Variants in MACF1 observed in about 807,000 individuals in gnomAD.
The protein encoded by MACF1 is microtubule actin crosslinking factor 1.
Under a neutral mutation model 854.8 loss-of-function variants are expected in MACF1, and 193 were observed. That is an observed-to-expected ratio of 0.23 (90% CI 0.20 to 0.25). The LOEUF is 0.25. Ranked by LOEUF, MACF1 falls within the 10% of genes least tolerant of loss-of-function variation. The pLI is 1.00. For missense variants in MACF1, 7,722 were observed against 8,929.1 expected, an observed-to-expected ratio of 0.86 and a Z score of 5.45; for synonymous variants, 3,185 against 3,226.7, an observed-to-expected ratio of 0.99 and a Z score of 0.44.
intron 92 of MACF1, 92 bp from the exon 93 acceptor site, chr1:39,461,791 C>CAA (rs59393084): frequency 6.8e-4 from 237 of 350,670 alleles, no homozygotes; most frequent in Middle Eastern, 9.3e-4. Flanking sequence ...GACCTTGTCT[C>CAA]AAAAAAAAAA....
chr1:39,262,397 C>CA (rs56376033), intron 6 of MACF1, among the ~76,000 whole-genome samples: 22,821 of 68,994 alleles, frequency 0.33, 4,531 homozygotes, highest in South Asian at 0.53. Context: ...GACTCCATCA[C>CA]AAAAAAAAAA....
intron 58 of MACF1, among the ~76,000 whole-genome samples, chr1:39,392,888 C>T (rs975605681): frequency 6.6e-6 from 1 of 152,082 alleles, no homozygotes. Flanking sequence ...AGGCAGAGAT[C>T]TCAGGCTTCC....
chr1:39,365,225 G>A (rs769059670), intron 49 of MACF1, among the ~76,000 whole-genome samples: 20 of 152,016 alleles, frequency 1.3e-4, no homozygotes, highest in Non-Finnish European at 2.8e-4. Context: ...ACAGGCGCCC[G>A]CCACCACGTC....
chr1:39,244,311 G>A (rs1198218537), intron 2 of MACF1, among the ~76,000 whole-genome samples: 1 of 151,470 alleles, frequency 6.6e-6, no homozygotes, highest in Non-Finnish European at 1.5e-5. Flanking sequence ...AGGTGGAGTC[G>A]TGCACTGTCA....
Position 39,468,735 on chromosome 1 carries a change from A to G in MACF1, c.21889+3A>G. On this transcript the variant is annotated splice_donor_region_variant and intron_variant, in intron 96 of 100. Coordinates refer to ENST00000564288, the MANE Select transcript of MACF1 (RefSeq NM_001394062.1). ...AGTGAAAAATGATCCCTGCCGAGGTAAGGAACCATTCTAAGCATGAATTAC... is the reference window on the plus strand; with the variant it reads ...AGTGAAAAATGATCCCTGCCGAGGTGAGGAACCATTCTAAGCATGAATTAC... 1 of 1,612,002 alleles carries G rather than the reference A, an allele frequency of 6.2e-7. No individual in the cohort carries two copies.
At position 39,354,615 on chromosome 1, in the gene MACF1, G is replaced by A. The variant is rs146787207; in HGVS notation, c.11424+1384G>A. 5.2e-3 allele frequency among the ~76,000 whole-genome samples: 788 copies of A among 152,226 alleles called. 5 individuals carry two copies. The highest frequency in any genetic ancestry group is 8.1e-3 in the Non-Finnish European group (554 of 68,030). On this transcript the variant is annotated intron_variant, in intron 44 of 100. Coordinates refer to ENST00000564288, the MANE Select transcript of MACF1 (RefSeq NM_001394062.1). Reference sequence around the variant, plus strand: ...AGATGGGGTTTCACTATGTTGGCCAGACTGGTCTCAAACTCCTGACCTCGG... The same window carrying A: ...AGATGGGGTTTCACTATGTTGGCCAAACTGGTCTCAAACTCCTGACCTCGG...
intron 94 of MACF1, chr1:39,463,959 A>G: frequency 3.1e-6 from 1 of 324,026 alleles, no homozygotes; most frequent in Non-Finnish European, 6.0e-6. Flanking sequence ...TCCTAGGGGG[A>G]TGAAGGTACC....
chr1:39,102,592 A>G (rs1054932115), intron 2 of MACF1: 6 of 604,700 alleles, frequency 9.9e-6, no homozygotes, highest in Non-Finnish European at 1.8e-5. Flanking sequence ...CGCTGAAAGA[A>G]ATAGAAAGTG....
intron 1 of MACF1, among the ~76,000 whole-genome samples, chr1:39,218,182 CAAAAAAAAAA>C: frequency 1.2e-5 from 1 of 84,488 alleles, no homozygotes; most frequent in South Asian, 5.6e-4. Flanking sequence ...GACTCCGTCT[CAAAAAAAAAA>C]AAAAAAAAAA....
At chr1:39,235,451 A>T (rs1188161406) in intron 2 of MACF1, among the ~76,000 whole-genome samples, 1 of 152,212 alleles carries the variant, frequency 6.6e-6, no homozygotes, top group African/African-American at 2.4e-5. Flanking sequence ...TTTATTTAAC[A>T]CACCCTAAAT....
intron 16 of MACF1, 105 bp from the exon 17 acceptor site, chr1:39,292,661 A>C: frequency 1.3e-6 from 1 of 785,366 alleles, no homozygotes; most frequent in South Asian, 1.9e-5. Flanking sequence ...TAGAGCAACC[A>C]ATCCATATCT....
rs748074653 is a variant in MACF1 at position 39,372,576 on chromosome 1, C to T, written c.13193C>T (p.Pro4398Leu). The T allele has an allele frequency of 1.9e-6, 3 of 1,612,226 alleles. No homozygotes were observed. Among genetic ancestry groups the T allele is most frequent in the Non-Finnish European group, 2.5e-6 (3 of 1,178,526 alleles). ...LENLIMEITA[P>L]DSQGKTGSIL... The stretch of plus-strand genomic sequence containing the variant: ...AATCTCATCATGGAAATCACAGCAC[C>T]TGATTCCCAAGGCAAGACAGGTGAG... The change falls in exon 52 of 101, where the codon CCT becomes CTT. Residue 4398 changes from proline (P) to leucine (L), a missense_variant. By Grantham distance (98) the Pro-to-Leu change is moderately conservative (BLOSUM62 -3). Coordinates refer to ENST00000564288, the MANE Select transcript of MACF1 (RefSeq NM_001394062.1).
intron 41 of MACF1, among the ~76,000 whole-genome samples, chr1:39,347,918 C>T (rs757363213): frequency 2.7e-5 from 4 of 149,032 alleles, no homozygotes; most frequent in Non-Finnish European, 5.9e-5. Context: ...CAAAGCTCAA[C>T]TCAACATAAT....
At chr1:39,328,082 A>G (rs1354742996) in intron 36 of MACF1, among the ~76,000 whole-genome samples, 1 of 152,188 alleles carries the variant, frequency 6.6e-6, no homozygotes, top group African/African-American at 2.4e-5. Flanking sequence ...AGCTCACGTG[A>G]TAGTCAAATT....
At chr1:39,459,322 C>T in intron 91 of MACF1, 73 bp downstream of exon 91, 1 of 1,446,100 alleles carries the variant, frequency 6.9e-7, no homozygotes. Context: ...TTCTGAGGCT[C>T]TCTTAATGTG....
At chr1:39,380,153 T>A in intron 54 of MACF1, 91 bp from the exon 55 acceptor site, 1 of 1,353,464 alleles carries the variant, frequency 7.4e-7, no homozygotes, top group Non-Finnish European at 1.0e-6. Context: ...GAGTCTATAA[T>A]AACTGCCCAG....
rs1351084438 is a variant in MACF1 at position 39,393,204 on chromosome 1, T to A, written c.15816+4546T>A. Among the ~76,000 whole-genome samples the A allele has an allele frequency of 2.6e-3, 331 of 128,554 alleles. 5 individuals are homozygous for A. The highest frequency in any genetic ancestry group is 8.7e-3 in the African/African-American group (288 of 33,122). The allele number at this position is 128,554 out of a possible 152,430, so 84.3% of individuals were successfully genotyped here. ...GGTAAAAAAAAAAAAAAAATATATATATATATATATATATATATATGTTAA... is the reference window on the plus strand; with the variant it reads ...GGTAAAAAAAAAAAAAAAATATATAAATATATATATATATATATATGTTAA... On this transcript the variant is annotated intron_variant, in intron 58 of 100. Transcript: ENST00000564288.
chr1:39,361,643 A>G lies in MACF1; in HGVS notation c.12737A>G (p.Asp4246Gly). The G allele has an allele frequency of 6.2e-7, 1 of 1,614,240 alleles. No individual in the cohort carries two copies. Among genetic ancestry groups the G allele is most frequent in the Non-Finnish European group, 8.5e-7 (1 of 1,180,028 alleles). The change falls in exon 49 of 101, where the codon GAT (aspartate) becomes GGT (glycine). Residue 4246 changes from aspartate (D) to glycine (G), a missense_variant. By Grantham distance (94) the Asp-to-Gly change is moderately conservative. Around this residue, in one of 15 missense-constraint regions of MACF1, gnomAD observed 2,807 missense variants for 3,235.8 expected, o/e 0.87. Transcript: ENST00000564288. Reference protein sequence around the residue: ...SRMLASGNQPDQDITHFFQQI... With the variant: ...SRMLASGNQPGQDITHFFQQI... Reference sequence around the variant, plus strand: ...ATGCTGGCCTCTGGAAATCAGCCAGATCAAGATATTACACATTTCTTCCAA... The same window carrying G: ...ATGCTGGCCTCTGGAAATCAGCCAGGTCAAGATATTACACATTTCTTCCAA...
chr1:39,324,661 C>T lies in MACF1; in HGVS notation c.4405C>T (p.Leu1469=), dbSNP rs181842165. 34 of 1,613,160 alleles carry T rather than the reference C, an allele frequency of 2.1e-5. No homozygotes were observed. In the Admixed American group the frequency reaches 4.3e-4, roughly 21 times the overall value. Residue 1469 remains leucine, a synonymous_variant, in exon 35 of 101, where the codon CTG becomes TTG. Coordinates refer to ENST00000564288, the MANE Select transcript of MACF1 (RefSeq NM_001394062.1). ...TACCATGTAGGTTCTGTCAGAAGAG[C>T]TGACAACAAAGAAAGAACAAGTCTC... ...ILEQQVLSEE[L]TTKKEQVSEA...
Sources: gnomAD v4.1 joint callset for allele counts (sites outside exome capture counted in the v4.1 genomes callset) on GRCh38, gnomAD v4.1.1 for gene constraint, gnomAD v4.1.1 regional missense constraint, MANE v1.5 for transcripts, NCBI Gene and HGNC (gene_info 2026-07-23, HGNC 2026-07-21) for gene names.